Variants in NALF1 observed in about 807,000 individuals in gnomAD.
NALF1 encodes NALCN channel auxiliary factor 1.
NALF1 carries 3 observed loss-of-function variants against 48.4 expected under a neutral mutation model. The observed-to-expected ratio is 0.06, with a 90% CI of 0.03 to 0.16. The LOEUF is 0.16. Among genes scored for constraint, NALF1 ranks in the 10% least tolerant of loss-of-function variants. The pLI, the probability that NALF1 is intolerant of heterozygous loss-of-function variation, is 1.00. For missense variants in NALF1, 526 were observed against 571.5 expected (o/e 0.92, Z 0.81); for synonymous variants, 262 against 245.7 (o/e 1.07, Z -0.62).
intron 1 of NALF1, among the ~76,000 whole-genome samples, chr13:107,379,243 T>C (rs1448670513): frequency 6.6e-6 from 1 of 152,166 alleles, no homozygotes; most frequent in Non-Finnish European, 1.5e-5. Flanking sequence ...ATAACCATAG[T>C]TGTAGGCTGT....
At chr13:107,801,865 C>T (rs537709566) in intron 1 of NALF1, among the ~76,000 whole-genome samples, 66 of 152,280 alleles carry the variant, frequency 4.3e-4, no homozygotes, top group African/African-American at 1.5e-3. Context: ...ACAGCCAGCG[C>T]TGCACCGGTT....
At chr13:107,510,418 A>C (rs909756541) in intron 1 of NALF1, among the ~76,000 whole-genome samples, 2 of 152,206 alleles carry the variant, frequency 1.3e-5, no homozygotes, top group Admixed American at 6.5e-5. Context: ...TGGAAAAATC[A>C]AGGAAAATCA....
chr13:107,592,245 G>A (rs1004594900), intron 1 of NALF1, among the ~76,000 whole-genome samples: 11 of 151,686 alleles, frequency 7.3e-5, no homozygotes, highest in African/African-American at 2.7e-4. Context: ...ATGATGACTA[G>A]GAAAGAAAAG....
chr13:107,667,071 C>T (rs1311135540), intron 1 of NALF1, among the ~76,000 whole-genome samples: 3 of 152,016 alleles, frequency 2.0e-5, no homozygotes, highest in African/African-American at 4.8e-5. Context: ...AATAATTATA[C>T]TCGTGCATTT....
intron 1 of NALF1, among the ~76,000 whole-genome samples, chr13:107,804,600 C>T (rs775574234): frequency 1.3e-5 from 2 of 152,120 alleles, no homozygotes; most frequent in Non-Finnish European, 2.9e-5. Context: ...CAGTGGGTGG[C>T]GCTCAGCAGG....
chr13:107,293,744 C>A (rs773708630), intron 1 of NALF1, among the ~76,000 whole-genome samples: 9 of 152,106 alleles, frequency 5.9e-5, no homozygotes, highest in Non-Finnish European at 1.2e-4. Context: ...AGGAATAGAG[C>A]CCAGGAATGT....
intron 1 of NALF1, among the ~76,000 whole-genome samples, chr13:107,535,647 C>A (rs1206038210): frequency 6.6e-6 from 1 of 152,162 alleles, no homozygotes; most frequent in Non-Finnish European, 1.5e-5. Context: ...AATGGCCGTA[C>A]TGCCCAAGGT....
At chr13:107,670,460 A>G (rs572868840) in intron 1 of NALF1, among the ~76,000 whole-genome samples, 1 of 152,268 alleles carries the variant, frequency 6.6e-6, no homozygotes, top group African/African-American at 2.4e-5. Context: ...GAAATCAGTG[A>G]TAAGACTATC....
chr13:107,488,191 T>G (rs1361103975), intron 1 of NALF1, among the ~76,000 whole-genome samples: 1 of 151,670 alleles, frequency 6.6e-6, no homozygotes, highest in Non-Finnish European at 1.5e-5. Context: ...GGTCTATTAT[T>G]TTATTAACTT....
chr13:107,366,835 G>A (rs763938956), intron 1 of NALF1, among the ~76,000 whole-genome samples: 12 of 152,148 alleles, frequency 7.9e-5, no homozygotes, highest in Non-Finnish European at 1.0e-4. Flanking sequence ...TCCAAGGCAG[G>A]TGTTCACGTT....
At chr13:107,729,337 T>C (rs528154638) in intron 1 of NALF1, among the ~76,000 whole-genome samples, 1 of 152,086 alleles carries the variant, frequency 6.6e-6, no homozygotes, top group Non-Finnish European at 1.5e-5. Flanking sequence ...CTATTAAAAG[T>C]CTCCTTTTCT....
At chr13:107,754,307 A>G (rs1158987800) in intron 1 of NALF1, among the ~76,000 whole-genome samples, 1 of 151,822 alleles carries the variant, frequency 6.6e-6, no homozygotes, top group Admixed American at 6.6e-5. Context: ...TCAAAAGCCA[A>G]AAAGGGAATA....
intron 1 of NALF1, among the ~76,000 whole-genome samples, chr13:107,721,910 C>T (rs955604895): frequency 1.3e-5 from 2 of 152,110 alleles, no homozygotes; most frequent in African/African-American, 2.4e-5. Flanking sequence ...CTTTTTTGAA[C>T]GAGGCTTTTG....
chr13:107,240,314 A>C (rs1437390736), intron 1 of NALF1, among the ~76,000 whole-genome samples: 1 of 152,128 alleles, frequency 6.6e-6, no homozygotes, highest in Non-Finnish European at 1.5e-5. Flanking sequence ...AGCCTCCAAA[A>C]CTCTGAGAAG....
intron 1 of NALF1, among the ~76,000 whole-genome samples, chr13:107,703,076 T>C (rs758643535): frequency 1.6e-4 from 24 of 152,210 alleles, no homozygotes; most frequent in Non-Finnish European, 3.4e-4. Flanking sequence ...ACAGGATTGC[T>C]GGGTCAAATG....
chr13:107,259,133 C>T (rs557607352), intron 1 of NALF1, among the ~76,000 whole-genome samples: 2 of 152,248 alleles, frequency 1.3e-5, no homozygotes, highest in South Asian at 4.1e-4. Context: ...GGAAAGTGTG[C>T]CCTATGCTTC....
intron 1 of NALF1, among the ~76,000 whole-genome samples, chr13:107,860,184 C>T: frequency 6.6e-6 from 1 of 152,250 alleles, no homozygotes; most frequent in African/African-American, 2.4e-5. Flanking sequence ...CTCCATGATC[C>T]CTTCTAGCAC....
chr13:107,777,959 ATTG>A (rs1182129173), intron 1 of NALF1, among the ~76,000 whole-genome samples: 1 of 152,192 alleles, frequency 6.6e-6, no homozygotes, highest in African/African-American at 2.4e-5. Context: ...CCTTTGTGAC[ATTG>A]TTTTTACTTT....
chr13:107,440,961 AAT>A (rs1260155419), intron 1 of NALF1, among the ~76,000 whole-genome samples: 1 of 152,180 alleles, frequency 6.6e-6, no homozygotes, highest in African/African-American at 2.4e-5. Context: ...ACGAGATTGC[AAT>A]ATGTCATCTA....
Sources: allele counts gnomAD v4.1 joint callset (sites outside exome capture counted in the v4.1 genomes callset), GRCh38; gene constraint gnomAD v4.1.1; transcripts MANE v1.5; gene names NCBI Gene and HGNC (gene_info 2026-07-23, HGNC 2026-07-21).